The following PVALEF variants were observed in gnomAD, a reference collection of about 807,000 sequenced individuals.
PVALEF encodes parvalbumin-like EF-hand-containing protein.
Under a neutral mutation model 1.2 loss-of-function variants are expected in PVALEF, and 2 were observed. That is an observed-to-expected ratio of 1.68 (90% CI 0.69 to 5.28). The LOEUF (loss-of-function observed/expected upper bound fraction) is 5.28. PVALEF is among the 30% of genes most tolerant of loss of function. The pLI is 0.06. For synonymous variants in PVALEF, 16 were observed against 6.5 expected, an observed-to-expected ratio of 2.47 and a Z score of -2.24; for missense variants, 35 against 17.7, an observed-to-expected ratio of 1.97 and a Z score of -1.75.
At chr17:81,165,858 C>CGG in intron 1 of PVALEF, 111 bp downstream of exon 1, 1 of 1,532,152 alleles carries the variant, frequency 6.5e-7, no homozygotes, top group South Asian at 1.2e-5. Context: ...CCATGCAAAC[C>CGG]GGGAGCCGTG....
In PVALEF at chr17:81,183,069, G is replaced by A. The variant is rs922917659; in HGVS notation, c.*58G>A. On this transcript the variant is annotated 3_prime_UTR_variant, in exon 7 of 7. Transcript: ENST00000637878. ...CCCATGGGGTAACCGGGGTGACCAC[G>A]CACCTGGGCAGAAGCCGTTGGGGCC... 7 of 398,674 alleles carry A rather than the reference G, an allele frequency of 1.8e-5. No homozygotes were observed. The Admixed American group carries it at 1.8e-4, about 10-fold the overall frequency. 24.7% of individuals were successfully genotyped at this position (398,674 alleles called of 1,614,324 possible). A position where few individuals can be genotyped will look rare whatever the true frequency, so the allele number is the denominator to read the frequency against.
At position 81,177,020 on chromosome 17, in the gene PVALEF, A is replaced by G. The variant is rs963944773; in HGVS notation, c.-339-1898A>G. Among the ~76,000 whole-genome samples, 3 of 144,112 alleles carry G rather than the reference A, an allele frequency of 2.1e-5. No individual in the cohort carries two copies. The Admixed American group carries it at 2.2e-4, about 10-fold the overall frequency. 94.5% of individuals were successfully genotyped at this position (144,112 alleles called of 152,430 possible). A position where few individuals can be genotyped will look rare whatever the true frequency, so the allele number is the denominator to read the frequency against. ...CAGCTCACTGCAACCTCTGCCTCCC[A>G]AGTTCCAGCGATTCTGCTGCCTCAG... On this transcript the variant is annotated intron_variant, in intron 2 of 6. Coordinates refer to ENST00000637878, the MANE Select transcript of PVALEF (RefSeq NM_001354639.2).
chr17:81,168,151 G>A (rs372016945), intron 2 of PVALEF, among the ~76,000 whole-genome samples: 3 of 152,216 alleles, frequency 2.0e-5, no homozygotes, highest in African/African-American at 7.2e-5. Context: ...GCCAGTGGCC[G>A]TGGGTGGTTG....
rs1387697075 is a variant in PVALEF, at chr17:81,183,009, T to C, written c.403T>C (p.Ter135GlnextTer4). The change falls in exon 7 of 7, where the codon TAG becomes CAG. Residue 135 changes from the stop codon to glutamine (Q), a stop_lost. Transcript: ENST00000637878. The part of the protein sequence containing the change: ...IKKEKIPKKK[*>Q] ...AAAGGAGAAAATTCCAAAGAAGAAG[T>C]AGCACCATGACTAGCCCTGGCCAGC... 4 of 398,518 alleles carry C rather than the reference T, an allele frequency of 1.0e-5. No homozygotes were observed. The highest frequency in any genetic ancestry group is 3.6e-5 in the East Asian group (1 of 28,096). The allele number at this position is 398,518 out of a possible 1,614,324, so 24.7% of individuals were successfully genotyped here.
chr17:81,165,686 G>A lies in PVALEF; in HGVS notation c.-569G>A, dbSNP rs1329186377. ...GGCCCTCCGTGCCCCAGTTACCTGT[G>A]CCCTGGAGGCAGCCACGGAGTCACG... On this transcript the variant is annotated 5_prime_UTR_variant, in exon 1 of 7. Coordinates refer to ENST00000637878, the MANE Select transcript of PVALEF (RefSeq NM_001354639.2). 4.0e-6 allele frequency: 6 copies of A among 1,513,976 alleles called. No individual in the cohort carries two copies. In the Admixed American group the frequency reaches 6.0e-5, roughly 15 times the overall value. 93.8% of individuals were successfully genotyped at this position (1,513,976 alleles called of 1,614,324 possible).
intron 2 of PVALEF, among the ~76,000 whole-genome samples, chr17:81,167,338 CCACTCATTCATTCACT>C (rs1209436670): frequency 5.2e-4 from 79 of 152,136 alleles, no homozygotes; most frequent in Middle Eastern, 3.4e-3. Context: ...GCACCCTCAT[CCACTCATTCATTCACT>C]CACTCATTCA....
intron 2 of PVALEF, among the ~76,000 whole-genome samples, chr17:81,169,555 G>A (rs931152978): frequency 7.9e-5 from 12 of 152,194 alleles, no homozygotes; most frequent in Admixed American, 2.0e-4. Flanking sequence ...CCGAGATGGC[G>A]CCACTGCACA....
chr17:81,175,918 G>A (rs921838015), intron 2 of PVALEF, among the ~76,000 whole-genome samples: 2 of 152,092 alleles, frequency 1.3e-5, no homozygotes, highest in African/African-American at 4.8e-5. Context: ...AGAAAAAAAT[G>A]GACAACTTTG....
chr17:81,165,551 G>A lies in PVALEF; in HGVS notation c.-704G>A, dbSNP rs1398637217. 4 of 1,032,840 alleles carry A rather than the reference G, an allele frequency of 3.9e-6. No homozygotes were observed. Among genetic ancestry groups the A allele is most frequent in the African/African-American group, 1.6e-5 (1 of 61,974 alleles). 64.0% of individuals were successfully genotyped at this position (1,032,840 alleles called of 1,614,324 possible). A position where few individuals can be genotyped will look rare whatever the true frequency, so the allele number is the denominator to read the frequency against. On this transcript the variant is annotated 5_prime_UTR_variant, in exon 1 of 7. Coordinates refer to ENST00000637878, the MANE Select transcript of PVALEF (RefSeq NM_001354639.2). ...AAGAAGCCTCCCACGCCAGGGCCCC[G>A]GACCCAGGAGAGGCCATGGAAAGCC...
chr17:81,181,867 G>A (rs916815530), intron 5 of PVALEF, 99 bp from the exon 6 acceptor site: 10 of 397,998 alleles, frequency 2.5e-5, no homozygotes, highest in East Asian at 2.5e-4. Context: ...CTCCCGGCCC[G>A]AAGTGCCCTT....
chr17:81,181,231 A>T lies in PVALEF; in HGVS notation c.5A>T (p.Glu2Val), dbSNP rs1436634747. The change falls in exon 4 of 7, where the codon GAG (glutamate) becomes GTG (valine). Residue 2 changes from glutamate to valine, a missense_variant. Transcript: ENST00000637878. Reference protein sequence around the residue: MEEDFSSQMKKM... With the variant: MVEDFSSQMKKM... ...CCCTATCCACCCAGGACCAGGATGGAGGAGGACTTCTCCTCCCAGATGAAG... is the reference window on the plus strand; with the variant it reads ...CCCTATCCACCCAGGACCAGGATGGTGGAGGACTTCTCCTCCCAGATGAAG... 1.4e-6 allele frequency: 1 copy of T among 702,910 alleles called. No homozygotes were observed. Among genetic ancestry groups the T allele is most frequent in the Admixed American group, 2.0e-5 (1 of 49,976 alleles). The allele number at this position is 702,910 out of a possible 1,614,324, so 43.5% of individuals were successfully genotyped here.
At chr17:81,177,462 T>C (rs1234340908) in intron 2 of PVALEF, among the ~76,000 whole-genome samples, 1 of 151,430 alleles carries the variant, frequency 6.6e-6, no homozygotes, top group Non-Finnish European at 1.5e-5. Flanking sequence ...ACAGGAGAAC[T>C]GCTTGAACCC....
intron 2 of PVALEF, among the ~76,000 whole-genome samples, chr17:81,170,162 T>C (rs925634121): frequency 7.1e-4 from 108 of 151,452 alleles, no homozygotes; most frequent in Non-Finnish European, 8.0e-4. Context: ...ATATGTGGTG[T>C]GTGTGCATGT....
At chr17:81,168,385 G>A (rs1250721374) in intron 2 of PVALEF, among the ~76,000 whole-genome samples, 1 of 152,146 alleles carries the variant, frequency 6.6e-6, no homozygotes, top group Non-Finnish European at 1.5e-5. Flanking sequence ...AGCTGCCCCT[G>A]GGCTCCAAGC....
rs1438573171 is a variant in PVALEF at position 81,179,126 on chromosome 17, A to G, written c.-131A>G. On this transcript the variant is annotated 5_prime_UTR_variant, in exon 3 of 7. Coordinates refer to ENST00000637878, the MANE Select transcript of PVALEF (RefSeq NM_001354639.2). ...CACACCCCAGCCTGACCCACCTTCC[A>G]GAACTCTCGAAAGAAGCCAGGCAGA... is the stretch of plus-strand genomic sequence containing the variant. The G allele has an allele frequency of 2.5e-6, 1 of 397,306 alleles. No homozygotes were observed. The highest frequency in any genetic ancestry group is 2.9e-5 in the Admixed American group (1 of 34,720). 24.6% of individuals were successfully genotyped at this position (397,306 alleles called of 1,614,324 possible). A position where few individuals can be genotyped will look rare whatever the true frequency, so the allele number is the denominator to read the frequency against.
rs567526112 is a variant in PVALEF, at chr17:81,179,416, G to A, written c.-105+264G>A. ...TCCTGCGGGGAGCACATGTGTGCAC[G>A]TGTGTGCTGGCACGAGCCTCTGTGG... On this transcript the variant is annotated intron_variant, in intron 3 of 6. Coordinates refer to ENST00000637878, the MANE Select transcript of PVALEF (RefSeq NM_001354639.2). 9.5e-4 allele frequency among the ~76,000 whole-genome samples: 144 copies of A among 152,350 alleles called. 2 individuals are homozygous for A. The South Asian group carries it at 0.028, about 30-fold the overall frequency.
chr17:81,166,988 C>T (rs991434301), intron 2 of PVALEF, 144 bp downstream of exon 2: 24 of 302,766 alleles, frequency 7.9e-5, no homozygotes, highest in African/African-American at 4.7e-4. Flanking sequence ...CCGTGGGAGT[C>T]GGGAGAGTTA....
At chr17:81,170,084 G>A (rs1229451060) in intron 2 of PVALEF, among the ~76,000 whole-genome samples, 1 of 151,146 alleles carries the variant, frequency 6.6e-6, no homozygotes, top group Non-Finnish European at 1.5e-5. Flanking sequence ...GTGCATATGT[G>A]TAGGTGTGTG....
At chr17:81,178,294 C>G (rs903174118) in intron 2 of PVALEF, among the ~76,000 whole-genome samples, 34 of 152,110 alleles carry the variant, frequency 2.2e-4, no homozygotes, top group Non-Finnish European at 4.4e-4. Context: ...GAAAGCCAGG[C>G]CCCCCCGACC....
Sources: allele counts gnomAD v4.1 joint callset (sites outside exome capture counted in the v4.1 genomes callset), GRCh38; gene constraint gnomAD v4.1.1; transcripts MANE v1.5; gene names NCBI Gene and HGNC (gene_info 2026-07-23, HGNC 2026-07-21).